The following IQCH variants were observed in gnomAD, a reference collection of about 807,000 sequenced individuals.
IQCH encodes IQ domain-containing protein H.
Under a neutral mutation model 117.0 loss-of-function variants are expected in IQCH, and 98 were observed. The observed-to-expected ratio is 0.84, with a 90% CI of 0.71 to 0.99. IQCH has a LOEUF of 0.99. Ranked by LOEUF, IQCH falls within the 50% of genes least tolerant of loss-of-function variation. IQCH has a pLI of 0.00. For missense variants in IQCH, 1,102 were observed against 1,243.8 expected (o/e 0.89, Z 1.72); for synonymous variants, 412 against 448.2 (o/e 0.92, Z 1.02).
At chr15:67,371,913 G>GAT (rs2140787852) in intron 8 of IQCH, among the ~76,000 whole-genome samples, 198 bp from the exon 9 acceptor site, 1 of 152,228 alleles carries the variant, frequency 6.6e-6, no homozygotes, top group South Asian at 2.1e-4. Flanking sequence ...TGATCTCTAA[G>GAT]ATATCCATCT....
At chr15:67,308,694 T>A (rs1166413475) in intron 4 of IQCH, among the ~76,000 whole-genome samples, 2 of 151,868 alleles carry the variant, frequency 1.3e-5, no homozygotes, top group Non-Finnish European at 2.9e-5. Context: ...GTGGTGGTGG[T>A]GGTGGAGGTG....
intron 1 of IQCH, among the ~76,000 whole-genome samples, chr15:67,257,167 C>T (rs956760782): frequency 4.6e-5 from 7 of 152,212 alleles, no homozygotes; most frequent in African/African-American, 1.7e-4. Flanking sequence ...GCACTCATCT[C>T]TCTGGACCTC....
chr15:67,255,371 A>C (rs959305654), intron 1 of IQCH: 1 of 164,324 alleles, frequency 6.1e-6, no homozygotes, highest in African/African-American at 2.4e-5. Flanking sequence ...GCTTTTCTTA[A>C]ACACCCCAGT....
intron 3 of IQCH, among the ~76,000 whole-genome samples, chr15:67,263,743 T>G (rs768148595): frequency 1.3e-5 from 2 of 152,216 alleles, no homozygotes; most frequent in Non-Finnish European, 2.9e-5. Context: ...CTTATGTGCT[T>G]GATTATACAG....
At chr15:67,315,779 G>T (rs922983604) in intron 4 of IQCH, among the ~76,000 whole-genome samples, 18 of 152,038 alleles carry the variant, frequency 1.2e-4, no homozygotes, top group Non-Finnish European at 2.2e-4. Context: ...GTCAGCTTCT[G>T]CATGGATCTG....
At chr15:67,419,609 A>G (rs559233808) in intron 15 of IQCH, among the ~76,000 whole-genome samples, 3 of 152,292 alleles carry the variant, frequency 2.0e-5, no homozygotes, top group Admixed American at 2.0e-4. Context: ...ACTGGAGTGC[A>G]GTGGCACAAT....
Position 67,254,849 on chromosome 15 carries a change from T to C in IQCH, c.-48T>C. ...GAGCGGCTCCGGCTGAAGGTTTCCG[T>C]GCTTGGAAACCGCGCCTCCGCGGAG... On this transcript the variant is annotated 5_prime_UTR_variant, in exon 1 of 21. Transcript: ENST00000335894. 1 of 1,587,832 alleles carries C rather than the reference T, an allele frequency of 6.3e-7. No homozygotes were observed. The highest frequency in any genetic ancestry group is 8.6e-7 in the Non-Finnish European group (1 of 1,161,374).
In IQCH at chr15:67,369,699, C is replaced by T. The variant is rs1567133151; in HGVS notation, c.754-2412C>T. Among the ~76,000 whole-genome samples the T allele has an allele frequency of 6.6e-6, 1 of 152,192 alleles. No individual in the cohort carries two copies. The highest frequency in any genetic ancestry group is 2.1e-4 in the South Asian group (1 of 4,828). ...AGCCAGAACCTGAAGCATGGCATGA[C>T]CTTTAATCAGGGCTCTTATTCCTAG... On this transcript the variant is annotated intron_variant, in intron 8 of 20. Transcript: ENST00000335894. This position sits in a 1 kb window ranked among gnomAD's most constrained non-coding sequence, Gnocchi z 5.2.
At position 67,395,181 on chromosome 15, in the gene IQCH, TA is replaced by T; in HGVS notation, c.1633-108del. ...AACTGCTAAACAACAGGATAGGTCA[TA>T]ACCCAGCCTGCTATTAATAATGTAT... On this transcript the variant is annotated intron_variant, in intron 12 of 20. Coordinates refer to ENST00000335894, the MANE Select transcript of IQCH (RefSeq NM_001031715.3). This position sits in a 1 kb window ranked among gnomAD's most constrained non-coding sequence, Gnocchi z 4.0. 8.2e-7 allele frequency: 1 copy of T among 1,224,304 alleles called. No individual in the cohort carries two copies. Among genetic ancestry groups the T allele is most frequent in the Non-Finnish European group, 1.1e-6 (1 of 879,316 alleles). The allele number at this position is 1,224,304 out of a possible 1,614,324, so 75.8% of individuals were successfully genotyped here.
chr15:67,335,758 G>A (rs1014430491), intron 4 of IQCH, among the ~76,000 whole-genome samples: 2 of 152,114 alleles, frequency 1.3e-5, no homozygotes, highest in Non-Finnish European at 2.9e-5. Flanking sequence ...TGACTCACCT[G>A]GGGAGAAACA....
chr15:67,316,133 A>G (rs1967834360), intron 4 of IQCH, among the ~76,000 whole-genome samples: 1 of 152,158 alleles, frequency 6.6e-6, no homozygotes, highest in Non-Finnish European at 1.5e-5. Flanking sequence ...TAACCACTTT[A>G]AGATTGTTCC....
intron 6 of IQCH, among the ~76,000 whole-genome samples, chr15:67,346,387 A>G (rs533897759): frequency 1.9e-4 from 29 of 152,162 alleles, no homozygotes; most frequent in African/African-American, 7.0e-4. Context: ...CTGGGAAATA[A>G]TTTTTCCACA....
chr15:67,300,297 T>C (rs1966959570), intron 4 of IQCH, among the ~76,000 whole-genome samples: 1 of 152,148 alleles, frequency 6.6e-6, no homozygotes, highest in Admixed American at 6.5e-5. Flanking sequence ...CTCTTTCACA[T>C]TGGCTCCAGA....
intron 16 of IQCH, among the ~76,000 whole-genome samples, chr15:67,434,945 A>AT (rs973872766): frequency 5.8e-4 from 81 of 140,614 alleles, no homozygotes; most frequent in Admixed American, 2.5e-3. Flanking sequence ...GTATTTTTGT[A>AT]TTTTTTTTTA....
rs1352524601 is a variant in IQCH at position 67,395,392 on chromosome 15, G to C, written c.1734G>C (p.Gly578=). 1.2e-6 allele frequency: 2 copies of C among 1,614,014 alleles called. No individual in the cohort carries two copies. Among genetic ancestry groups the C allele is most frequent in the South Asian group, 1.1e-5 (1 of 91,056 alleles). ...IRGTEAYIVS[G]LLHRDDLAVA... ...GAACAGAGGCCTACATCGTCAGCGG[G>C]CTCCTCCACAGAGATGATTTAGCTG... Residue 578 remains glycine (G), a synonymous_variant, in exon 13 of 21, where the codon GGG becomes GGC. Transcript: ENST00000335894. This position sits in a 1 kb window ranked among gnomAD's most constrained non-coding sequence, Gnocchi z 4.0.
At chr15:67,279,138 T>C (rs911544863) in intron 3 of IQCH, among the ~76,000 whole-genome samples, 1 of 152,222 alleles carries the variant, frequency 6.6e-6, no homozygotes, top group Non-Finnish European at 1.5e-5. Flanking sequence ...TTGTTAATCA[T>C]ATAAACTCAG....
intron 17 of IQCH, among the ~76,000 whole-genome samples, chr15:67,469,847 A>G (rs552463254): frequency 6.6e-6 from 1 of 152,230 alleles, no homozygotes; most frequent in Non-Finnish European, 1.5e-5. Context: ...AAAGGTCAGT[A>G]GGCAAGCAAG....
At chr15:67,394,299 G>A (rs1419404431) in intron 12 of IQCH, among the ~76,000 whole-genome samples, 1 of 152,124 alleles carries the variant, frequency 6.6e-6, no homozygotes, top group East Asian at 1.9e-4. Flanking sequence ...ACTATTATAA[G>A]TGCTTTACAT....
Position 67,369,337 on chromosome 15 carries a change from A to C in IQCH, c.754-2774A>C, listed in dbSNP as rs1483189867. Reference sequence around the variant, plus strand: ...GTGAATACAGGCATCTCGCAAAGGTATGATTGTGACCCAAGAAGCACCAGG... The same window carrying C: ...GTGAATACAGGCATCTCGCAAAGGTCTGATTGTGACCCAAGAAGCACCAGG... On this transcript the variant is annotated intron_variant, in intron 8 of 20. Transcript: ENST00000335894. This position sits in a 1 kb window ranked among gnomAD's most constrained non-coding sequence, Gnocchi z 5.2. Among the ~76,000 whole-genome samples, 1 of 152,192 alleles carries C rather than the reference A, an allele frequency of 6.6e-6. No homozygotes were observed.
Sources: allele counts gnomAD v4.1 joint callset (sites outside exome capture counted in the v4.1 genomes callset), GRCh38; gene constraint gnomAD v4.1.1; non-coding constraint Gnocchi (gnomAD v3.1); transcripts MANE v1.5; gene names NCBI Gene and HGNC (gene_info 2026-07-23, HGNC 2026-07-21).